The following MACROD2 variants were observed in gnomAD, a reference collection of about 807,000 sequenced individuals.
MACROD2 encodes ADP-ribose glycohydrolase MACROD2.
A neutral mutation model predicts 70.4 loss-of-function variants in MACROD2; 36 were observed. That is an observed-to-expected ratio of 0.51 (90% CI 0.39 to 0.68). The LOEUF (loss-of-function observed/expected upper bound fraction) is 0.68, where lower values mean the gene tolerates loss of function less well. Among genes scored for constraint, MACROD2 ranks in the 30% least tolerant of loss-of-function variants. The probability of loss-of-function intolerance (pLI) is 0.00; values close to 1 mark genes in which losing one functional copy is unlikely to be tolerated. For synonymous variants in MACROD2, 172 were observed against 178.8 expected, an observed-to-expected ratio of 0.96 and a Z score of 0.30; for missense variants, 496 against 538.4, an observed-to-expected ratio of 0.92 and a Z score of 0.78.
At position 14,169,746 on chromosome 20, in the gene MACROD2, T is replaced by G. The variant is rs1027858870; in HGVS notation, c.271+84018T>G. ...ATATTTTTGTTATTCATTTTACTTA[T>G]CCATAAGCTATAGTCATTGAATACA... On this transcript the variant is annotated intron_variant, in intron 3 of 17. Coordinates refer to ENST00000684519, the MANE Select transcript of MACROD2 (RefSeq NM_001351661.2). Among the ~76,000 whole-genome samples the G allele has an allele frequency of 2.6e-5, 4 of 152,164 alleles. No homozygotes were observed. In the East Asian group the frequency reaches 7.7e-4, roughly 29 times the overall value.
At chr20:14,342,191 T>C (rs766122285) in intron 3 of MACROD2, among the ~76,000 whole-genome samples, 4 of 152,284 alleles carry the variant, frequency 2.6e-5, no homozygotes, top group Middle Eastern at 6.8e-3. Context: ...GAACTGAGAA[T>C]GGAGGACAGG....
chr20:14,400,424 C>G (rs535054052), intron 3 of MACROD2, among the ~76,000 whole-genome samples: 1 of 152,150 alleles, frequency 6.6e-6, no homozygotes, highest in Non-Finnish European at 1.5e-5. Context: ...TATTATTCCT[C>G]TCAGGTAGTT....
chr20:15,478,413 A>G (rs983664936), intron 7 of MACROD2, among the ~76,000 whole-genome samples: 3 of 152,198 alleles, frequency 2.0e-5, no homozygotes, highest in African/African-American at 7.2e-5. Context: ...ATAAGATGCC[A>G]TAGGCTTGTC....
intron 6 of MACROD2, among the ~76,000 whole-genome samples, chr20:15,234,226 G>T (rs1288885595): frequency 2.7e-5 from 4 of 146,674 alleles, no homozygotes; most frequent in African/African-American, 7.5e-5. Flanking sequence ...TAGAGACGGG[G>T]TTTCACCGTG....
intron 4 of MACROD2, among the ~76,000 whole-genome samples, chr20:14,656,761 T>C (rs1985997369): frequency 1.3e-5 from 2 of 152,206 alleles, no homozygotes; most frequent in South Asian, 2.1e-4. Context: ...GGGGGTTATA[T>C]TGTGGTCATC....
At chr20:15,574,761 T>C (rs2048421793) in intron 8 of MACROD2, among the ~76,000 whole-genome samples, 1 of 152,210 alleles carries the variant, frequency 6.6e-6, no homozygotes, top group Admixed American at 6.5e-5. Context: ...CTCAGTATGC[T>C]TGAAATCTGA....
chr20:14,637,334 C>T (rs1984838573), intron 4 of MACROD2, among the ~76,000 whole-genome samples: 1 of 152,164 alleles, frequency 6.6e-6, no homozygotes, highest in African/African-American at 2.4e-5. Flanking sequence ...AGATGCTCTT[C>T]AGATACTAGT....
chr20:14,596,572 T>A (rs375602986), intron 4 of MACROD2, among the ~76,000 whole-genome samples: 1 of 152,040 alleles, frequency 6.6e-6, no homozygotes, highest in Non-Finnish European at 1.5e-5. Flanking sequence ...TTTGTCTTTC[T>A]TCAGTACTTT....
chr20:16,012,240 ACCT>A (rs925835468), intron 15 of MACROD2, among the ~76,000 whole-genome samples: 5 of 151,726 alleles, frequency 3.3e-5, no homozygotes, highest in Admixed American at 3.3e-4. Context: ...TTATCTACAA[ACCT>A]CCTTCCTCTG....
At chr20:14,211,120 G>A (rs1022098357) in intron 3 of MACROD2, among the ~76,000 whole-genome samples, 9 of 152,148 alleles carry the variant, frequency 5.9e-5, no homozygotes, top group South Asian at 2.1e-4. Context: ...TGAGGTAAAC[G>A]TATACATTGT....
At chr20:15,420,454 A>T (rs1485051547) in intron 6 of MACROD2, among the ~76,000 whole-genome samples, 1 of 152,188 alleles carries the variant, frequency 6.6e-6, no homozygotes, top group Non-Finnish European at 1.5e-5. Flanking sequence ...TTTCTATGTG[A>T]TCTCATGCAC....
intron 3 of MACROD2, among the ~76,000 whole-genome samples, chr20:14,295,998 C>A (rs1333118917): frequency 6.6e-6 from 1 of 151,800 alleles, no homozygotes; most frequent in Non-Finnish European, 1.5e-5. Context: ...AGAGTAGTTT[C>A]ATAATCTACT....
At chr20:15,396,886 G>A (rs148881542) in intron 6 of MACROD2, among the ~76,000 whole-genome samples, 1,555 of 152,226 alleles carry the variant, frequency 0.01, 18 homozygotes, top group Middle Eastern at 0.048. Context: ...TTGAGTCTTC[G>A]TGAAGCAAAC....
chr20:15,937,181 G>A (rs543164105), intron 11 of MACROD2, among the ~76,000 whole-genome samples: 1 of 152,312 alleles, frequency 6.6e-6, no homozygotes, highest in Admixed American at 6.5e-5. Context: ...ACCATCCTTT[G>A]AGGGATGAGG....
intron 7 of MACROD2, among the ~76,000 whole-genome samples, chr20:15,473,047 C>G (rs564872013): frequency 5.3e-5 from 8 of 152,270 alleles, no homozygotes; most frequent in African/African-American, 1.9e-4. Flanking sequence ...AAAACAATAG[C>G]AAGAATGAAC....
chr20:14,324,141 A>G (rs1052190384), intron 3 of MACROD2: 5 of 152,634 alleles, frequency 3.3e-5, no homozygotes, highest in African/African-American at 1.2e-4. Flanking sequence ...GTACTTTTTA[A>G]AAGTTTTATT....
At chr20:15,658,438 A>G (rs2049766462) in intron 8 of MACROD2, among the ~76,000 whole-genome samples, 3 of 152,164 alleles carry the variant, frequency 2.0e-5, no homozygotes, top group African/African-American at 7.2e-5. Context: ...CAAAGGCAGT[A>G]TCTGTTTTCT....
intron 6 of MACROD2, among the ~76,000 whole-genome samples, chr20:15,415,309 T>A (rs1364164974): frequency 6.6e-6 from 1 of 152,218 alleles, no homozygotes; most frequent in African/African-American, 2.4e-5. Flanking sequence ...GGGAAATACA[T>A]CTCTAGTGAA....
intron 5 of MACROD2, among the ~76,000 whole-genome samples, chr20:15,023,822 G>A (rs1347275070): frequency 6.6e-6 from 1 of 152,112 alleles, no homozygotes; most frequent in Non-Finnish European, 1.5e-5. Flanking sequence ...TGGGAACACA[G>A]CCAAACCGTA....
Sources: allele counts gnomAD v4.1 joint callset (sites outside exome capture counted in the v4.1 genomes callset), GRCh38; gene constraint gnomAD v4.1.1; transcripts MANE v1.5; gene names NCBI Gene and HGNC (gene_info 2026-07-23, HGNC 2026-07-21).